TTC39B: variants seen among roughly 807,000 people sequenced by gnomAD.
TTC39B encodes tetratricopeptide repeat protein 39B.
A neutral mutation model predicts 96.6 loss-of-function variants in TTC39B; 92 were observed. The observed-to-expected ratio is 0.95, with a 90% CI of 0.80 to 1.13. The LOEUF (loss-of-function observed/expected upper bound fraction) is 1.13, where lower values mean the gene tolerates loss of function less well. TTC39B is among the 50% of genes most tolerant of loss of function. The probability of loss-of-function intolerance (pLI) is 0.00; values close to 1 mark genes in which losing one functional copy is unlikely to be tolerated. For synonymous variants in TTC39B, 367 were observed against 299.4 expected, an observed-to-expected ratio of 1.23 and a Z score of -2.33; for missense variants, 955 against 809.3, an observed-to-expected ratio of 1.18 and a Z score of -2.18.
intron 2 of TTC39B, among the ~76,000 whole-genome samples, chr9:15,251,700 C>CATATACATATATATATATATAT: frequency 1.0e-5 from 1 of 98,366 alleles, no homozygotes; most frequent in East Asian, 5.3e-4. Flanking sequence ...CATACATATA[C>CATATACATATATATATATATAT]ATATATATAT....
At chr9:15,281,276 G>T (rs970138779) in intron 1 of TTC39B, among the ~76,000 whole-genome samples, 2 of 152,116 alleles carry the variant, frequency 1.3e-5, no homozygotes, top group Non-Finnish European at 2.9e-5. Flanking sequence ...GAATAACAGT[G>T]CCATCAAACT....
chr9:15,280,697 G>A (rs371881565), intron 1 of TTC39B, among the ~76,000 whole-genome samples: 3 of 152,200 alleles, frequency 2.0e-5, no homozygotes, highest in East Asian at 3.8e-4. Context: ...GCGGAAAAGG[G>A]GCCAGCAGGG....
chr9:15,249,277 T>G (rs1448012947), intron 2 of TTC39B: 1 of 152,150 alleles, frequency 6.6e-6, no homozygotes, highest in Non-Finnish European at 1.5e-5. Context: ...TACCCAGCAT[T>G]GATTCTGATG....
intron 8 of TTC39B, among the ~76,000 whole-genome samples, chr9:15,198,129 G>A (rs1262259610): frequency 6.6e-6 from 1 of 152,072 alleles, no homozygotes; most frequent in Non-Finnish European, 1.5e-5. Context: ...GCATTGTAGG[G>A]TTTAAAATAT....
intron 16 of TTC39B, chr9:15,183,493 A>C (rs889050090): frequency 2.9e-6 from 1 of 347,868 alleles, no homozygotes; most frequent in Non-Finnish European, 5.5e-6. Flanking sequence ...CCCAGTACTA[A>C]CATTTCAAGC....
At chr9:15,210,701 T>G (rs1381396616) in intron 5 of TTC39B, among the ~76,000 whole-genome samples, 1 of 152,188 alleles carries the variant, frequency 6.6e-6, no homozygotes, top group Non-Finnish European at 1.5e-5. Flanking sequence ...TCCTGGATTC[T>G]TGAATATTCC....
At position 15,236,915 on chromosome 9, in the gene TTC39B, G is replaced by C. The variant is rs74833741; in HGVS notation, c.276-10903C>G. Among the ~76,000 whole-genome samples, 1,080 of 151,466 alleles carry C rather than the reference G, an allele frequency of 7.1e-3. 12 individuals are homozygous for C. The highest frequency in any genetic ancestry group is 0.025 in the African/African-American group (1,016 of 41,306). On this transcript the variant is annotated intron_variant, in intron 2 of 19. Transcript: ENST00000512701. ...TAACAACCTAACATCACAACTCAAG[G>C]AACTAGAAAAACAAGAACAAACCAA...
rs559723498 is a variant in TTC39B at position 15,185,319 on chromosome 9, G to A, written c.1575C>T (p.Ala525=). 52 of 1,613,790 alleles carry A rather than the reference G, an allele frequency of 3.2e-5. No individual in the cohort carries two copies. In the South Asian group the frequency reaches 4.7e-4, roughly 15 times the overall value. Residue 525 remains alanine, a synonymous_variant, in exon 16 of 20, where the codon GCC becomes GCT. Transcript: ENST00000512701. ...TGAGCTTCACAGGTGCAGGTAAGGAGGCGGAGTAACGCCGAGCCTTCCTCA... is the reference window on the plus strand; with the variant it reads ...TGAGCTTCACAGGTGCAGGTAAGGAAGCGGAGTAACGCCGAGCCTTCCTCA...
At chr9:15,295,765 C>T (rs1257536732) in intron 1 of TTC39B, among the ~76,000 whole-genome samples, 1 of 152,156 alleles carries the variant, frequency 6.6e-6, no homozygotes, top group Non-Finnish European at 1.5e-5. Context: ...TGTTCAAAGT[C>T]AGAGAGGAAA....
At chr9:15,214,728 A>G (rs1031987871) in intron 3 of TTC39B, among the ~76,000 whole-genome samples, 5 of 152,212 alleles carry the variant, frequency 3.3e-5, no homozygotes, top group Non-Finnish European at 7.3e-5. Context: ...ACATCTGCCA[A>G]ATGTCCTCAT....
intron 2 of TTC39B, among the ~76,000 whole-genome samples, chr9:15,243,144 A>G (rs1417139260): frequency 6.6e-6 from 1 of 152,180 alleles, no homozygotes; most frequent in East Asian, 1.9e-4. Context: ...CCTGCACCCA[A>G]CGCCATGTCA....
At chr9:15,187,083 C>G (rs780521241) in intron 14 of TTC39B, 48 bp from the exon 15 acceptor site, 6 of 1,373,538 alleles carry the variant, frequency 4.4e-6, no homozygotes, top group Non-Finnish European at 6.0e-6. Context: ...AGGTAAATGA[C>G]ATTTCTACCT....
chr9:15,166,191 G>C (rs1202626912), exon 20 of TTC39B: 1 of 152,150 alleles, frequency 6.6e-6, no homozygotes, highest in Non-Finnish European at 1.5e-5. Context: ...TTCACATAAT[G>C]AAGTTTGTTA....
chr9:15,290,338 C>T (rs989640305), intron 1 of TTC39B, among the ~76,000 whole-genome samples: 1 of 152,122 alleles, frequency 6.6e-6, no homozygotes. Context: ...CTGAGTCACA[C>T]AAAAACTTCC....
intron 2 of TTC39B, among the ~76,000 whole-genome samples, chr9:15,245,409 G>A (rs1205239230): frequency 1.3e-5 from 2 of 152,124 alleles, no homozygotes; most frequent in Non-Finnish European, 2.9e-5. Context: ...TCAATATGTG[G>A]CTGTTTCCAT....
At chr9:15,267,126 G>A (rs1248137909) in intron 2 of TTC39B, among the ~76,000 whole-genome samples, 1 of 152,176 alleles carries the variant, frequency 6.6e-6, no homozygotes, top group Non-Finnish European at 1.5e-5. Context: ...TCTCGGCCAT[G>A]TAAGAACACA....
chr9:15,237,906 G>GA (rs535455370), intron 2 of TTC39B, among the ~76,000 whole-genome samples: 5 of 152,232 alleles, frequency 3.3e-5, no homozygotes, highest in African/African-American at 1.2e-4. Flanking sequence ...CTAGCAAACT[G>GA]AATCCAACAC....
chr9:15,221,031 A>G (rs757552923), intron 3 of TTC39B, among the ~76,000 whole-genome samples: 1 of 152,220 alleles, frequency 6.6e-6, no homozygotes, highest in Non-Finnish European at 1.5e-5. Flanking sequence ...CTGCATGCAC[A>G]TATCTGGTGA....
chr9:15,189,620 A>C (rs1818738847), exon 13 of TTC39B: 7 of 1,614,206 alleles, frequency 4.3e-6, no homozygotes, highest in Non-Finnish European at 5.9e-6. Flanking sequence ...ATGATAAAAC[A>C]ACACGAGTGA....
Sources: gnomAD v4.1 joint callset for allele counts (sites outside exome capture counted in the v4.1 genomes callset) on GRCh38, gnomAD v4.1.1 for gene constraint, MANE v1.5 for transcripts, NCBI Gene and HGNC (gene_info 2026-07-23, HGNC 2026-07-21) for gene names.